Variants in NRP2 observed in about 807,000 individuals in gnomAD.
NRP2 encodes neuropilin-2.
Under a neutral mutation model 110.4 loss-of-function variants are expected in NRP2, and 52 were observed. That is an observed-to-expected ratio of 0.47 (90% confidence interval 0.38 to 0.59). The LOEUF (loss-of-function observed/expected upper bound fraction) is 0.59. Ranked by LOEUF, NRP2 falls within the 20% of genes least tolerant of loss-of-function variation. NRP2 has a pLI of 0.00. For synonymous variants in NRP2, 508 were observed against 468.9 expected (o/e 1.08, Z -1.08); for missense variants, 1,049 against 1,203.0 (o/e 0.87, Z 1.89).
chr2:205,788,491 C>T (rs549401826), intron 15 of NRP2, among the ~76,000 whole-genome samples: 1 of 152,256 alleles, frequency 6.6e-6, no homozygotes, highest in South Asian at 2.1e-4. Flanking sequence ...TAGGTGATCG[C>T]TTTGAATTCC....
At position 205,795,034 on chromosome 2, in the gene NRP2, C is replaced by T. The variant is rs771283284; in HGVS notation, c.2757C>T (p.His919=). Residue 919 remains histidine, a synonymous_variant, in exon 17 of 17, where the codon CAC becomes CAT. Coordinates refer to ENST00000357785, the MANE Select transcript of NRP2 (RefSeq NM_003872.3). The stretch of plus-strand genomic sequence containing the variant: ...TTAAGCACAAGGTCAAGATGAACCA[C>T]CAAAAGTGCTGCTCCGAGGCATGAC... ...DGLKHKVKMN[H]QKCCSEA is the part of the protein sequence containing the mutation. 2.5e-6 allele frequency: 4 copies of T among 1,614,008 alleles called. No individual in the cohort carries two copies. The African/African-American group carries it at 4.0e-5, about 16-fold the overall frequency.
intron 15 of NRP2, among the ~76,000 whole-genome samples, chr2:205,782,906 A>G (rs1288910485): frequency 6.6e-6 from 1 of 151,924 alleles, no homozygotes; most frequent in African/African-American, 2.4e-5. Context: ...CATCCTTGAA[A>G]TTGCTTCTTT....
At chr2:205,732,085 G>A (rs2057251251) in intron 7 of NRP2, among the ~76,000 whole-genome samples, 1 of 152,136 alleles carries the variant, frequency 6.6e-6, no homozygotes, top group Admixed American at 6.5e-5. Context: ...GAGGGAAATT[G>A]GCTTCCTACA....
chr2:205,719,780 C>T (rs944867640), intron 3 of NRP2, among the ~76,000 whole-genome samples: 1 of 152,122 alleles, frequency 6.6e-6, no homozygotes, highest in Non-Finnish European at 1.5e-5. Context: ...TGTCTTGATA[C>T]CTATAGATTC....
chr2:205,721,071 C>T (rs948991977), intron 3 of NRP2, among the ~76,000 whole-genome samples: 8 of 152,182 alleles, frequency 5.3e-5, no homozygotes, highest in Non-Finnish European at 1.0e-4. Flanking sequence ...CTCCTCCATC[C>T]GCATTTATTT....
At chr2:205,776,795 C>T in intron 15 of NRP2, 6 of 1,364,888 alleles carry the variant, frequency 4.4e-6, no homozygotes, top group Non-Finnish European at 5.7e-6. Context: ...GATCCACCCC[C>T]AAGCACTCCA....
intron 7 of NRP2, among the ~76,000 whole-genome samples, chr2:205,738,691 G>A (rs1443913730): frequency 6.6e-6 from 1 of 152,148 alleles, no homozygotes; most frequent in Non-Finnish European, 1.5e-5. Flanking sequence ...TCAAACCTGG[G>A]AGAGAGGCAT....
chr2:205,755,701 CAG>C (rs1186924390), intron 12 of NRP2, among the ~76,000 whole-genome samples: 2 of 152,022 alleles, frequency 1.3e-5, no homozygotes, highest in Non-Finnish European at 1.5e-5. Flanking sequence ...CTAATGGGTT[CAG>C]AGCGGCTGGC....
In NRP2 at chr2:205,727,924, A is replaced by G; in HGVS notation, c.1024A>G (p.Ile342Val). ...GCGCTTTTTAACCATGCTCACGGCC[A>G]TCGCAACACAGGGAGCGATTTCCAG... ...DLRFLTMLTA[I>V]ATQGAISRET... Residue 342 changes from isoleucine (I) to valine (V), a missense_variant, in exon 7 of 17, where the codon ATC becomes GTC. Ile to Val is a conservative substitution (Grantham distance 29). Coordinates refer to ENST00000357785, the MANE Select transcript of NRP2 (RefSeq NM_003872.3). The G allele has an allele frequency of 1.2e-6, 2 of 1,614,088 alleles. No individual in the cohort carries two copies. The highest frequency in any genetic ancestry group is 1.7e-6 in the Non-Finnish European group (2 of 1,179,990).
At position 205,723,951 on chromosome 2, in the gene NRP2, C is replaced by T. The variant is rs191445439; in HGVS notation, c.820+11C>T. The T allele has an allele frequency of 8.8e-5, 142 of 1,613,782 alleles. No homozygotes were observed. In the African/African-American group the frequency reaches 1.2e-3, roughly 14 times the overall value. On this transcript the variant is annotated intron_variant, in intron 5 of 16. Coordinates refer to ENST00000357785, the MANE Select transcript of NRP2 (RefSeq NM_003872.3). ...AAGAGCCACTAGAGAGTGAGTTGGC[C>T]GATTGGGAACCTCTGTCCTGTCCTT...
At chr2:205,712,380 C>T (rs1042404307) in intron 2 of NRP2, among the ~76,000 whole-genome samples, 5 of 152,260 alleles carry the variant, frequency 3.3e-5, no homozygotes, top group Non-Finnish European at 7.3e-5. Context: ...TTCTGGAAAA[C>T]GAGTGATACG....
intron 1 of NRP2, among the ~76,000 whole-genome samples, chr2:205,683,599 A>T (rs1226107027): frequency 6.6e-6 from 1 of 151,696 alleles, no homozygotes; most frequent in East Asian, 1.9e-4. Context: ...TGTGTTTTGA[A>T]ACAGAATTTG....
rs2058358835 is a variant in NRP2 at position 205,797,228 on chromosome 2, C to T, written c.*2170C>T. 6.6e-6 allele frequency: 1 copy of T among 152,622 alleles called. No individual in the cohort carries two copies. Among genetic ancestry groups the T allele is most frequent in the African/African-American group, 2.4e-5 (1 of 41,430 alleles). The allele number at this position is 152,622 out of a possible 1,614,324, so 9.5% of individuals were successfully genotyped here. A position where few individuals can be genotyped will look rare whatever the true frequency, so the allele number is the denominator to read the frequency against. ...AGCCCAAGGGCTTAGCTTTAGGGCT[C>T]CTCCTGAGTTCGGCCCACAGTAGAA... On this transcript the variant is annotated 3_prime_UTR_variant, in exon 17 of 17. Transcript: ENST00000357785.
At chr2:205,716,482 T>A (rs2056898497) in intron 3 of NRP2, 108 bp downstream of exon 3, 9 of 1,175,474 alleles carry the variant, frequency 7.7e-6, no homozygotes, top group Non-Finnish European at 1.0e-5. Context: ...GTCATCCAGC[T>A]TGAGCATGGT....
At chr2:205,731,074 C>G (rs1237742686) in intron 7 of NRP2, among the ~76,000 whole-genome samples, 1 of 152,178 alleles carries the variant, frequency 6.6e-6, no homozygotes, top group Non-Finnish European at 1.5e-5. Flanking sequence ...CAGCACATCC[C>G]AAATCTTTAT....
At chr2:205,722,325 T>A (rs1361688538) in intron 3 of NRP2, 153 bp from the exon 4 acceptor site, 2 of 696,944 alleles carry the variant, frequency 2.9e-6, no homozygotes, top group Non-Finnish European at 2.6e-6. Context: ...GAAACGTGCA[T>A]GTGAAGAGTA....
chr2:205,763,843 G>A lies in NRP2; in HGVS notation c.2214G>A (p.Gln738=), dbSNP rs1415301857. The part of the protein sequence containing the change: ...VALQVVREAS[Q]ESKLLWVIRE... ...TGCAGGTGGTGCGGGAAGCCAGCCA[G>A]GAGAGCAAGTTGCTGTGGGTCATCC... The change falls in exon 13 of 17, where the codon CAG becomes CAA. Residue 738 remains glutamine (Q), a synonymous_variant. Coordinates refer to ENST00000357785, the MANE Select transcript of NRP2 (RefSeq NM_003872.3). The surrounding 1 kb of genome is among the most constrained non-coding windows in gnomAD (Gnocchi z 4.0). The A allele has an allele frequency of 6.2e-7, 1 of 1,614,168 alleles. No individual in the cohort carries two copies.
intron 11 of NRP2, among the ~76,000 whole-genome samples, chr2:205,751,693 C>A (rs2057648925): frequency 1.3e-5 from 2 of 152,172 alleles, no homozygotes; most frequent in South Asian, 4.1e-4. Context: ...GCCCTCCTCA[C>A]CCCTAGGGTG....
At chr2:205,766,903 C>T in intron 15 of NRP2, 100 bp downstream of exon 15, 1 of 1,088,788 alleles carries the variant, frequency 9.2e-7, no homozygotes, top group Non-Finnish European at 1.4e-6. Flanking sequence ...CCAAATTTGT[C>T]AAATCTCGCA....
Sources: gnomAD v4.1 joint callset for allele counts (sites outside exome capture counted in the v4.1 genomes callset) on GRCh38, gnomAD v4.1.1 for gene constraint, Gnocchi (gnomAD v3.1) non-coding constraint, MANE v1.5 for transcripts, NCBI Gene and HGNC (gene_info 2026-07-23, HGNC 2026-07-21) for gene names.